Variants in ANO3 observed in about 807,000 individuals in gnomAD.
ANO3 encodes anoctamin-3.
In ANO3, 99 loss-of-function variants were observed where a neutral mutation model predicts 144.8. That is an observed-to-expected ratio of 0.68 (90% confidence interval 0.58 to 0.81). The LOEUF is 0.81. Among genes scored for constraint, ANO3 ranks in the 30% least tolerant of loss-of-function variants. The pLI is 0.00. For missense variants in ANO3, 905 were observed against 1,202.2 expected, an observed-to-expected ratio of 0.75 and a Z score of 3.66; for synonymous variants, 414 against 392.6, an observed-to-expected ratio of 1.05 and a Z score of -0.64.
chr11:26,485,812 A>T (rs1040709954), intron 4 of ANO3, among the ~76,000 whole-genome samples: 1 of 152,226 alleles, frequency 6.6e-6, no homozygotes, highest in Non-Finnish European at 1.5e-5. Context: ...TTATTGACTA[A>T]AACTTCAAAA....
At chr11:26,641,797 G>A in intron 21 of ANO3, 99 bp from the exon 22 acceptor site, 1 of 1,212,372 alleles carries the variant, frequency 8.2e-7, no homozygotes, top group Non-Finnish European at 1.1e-6. Context: ...CAATTCCGAG[G>A]AGCTGGAATT....
chr11:26,599,440 A>G (rs1851730391), intron 16 of ANO3, 110 bp from the exon 17 acceptor site: 1 of 1,101,106 alleles, frequency 9.1e-7, no homozygotes, highest in African/African-American at 1.6e-5. Flanking sequence ...CCTTTCTTGG[A>G]AAGGTAAATA....
chr11:26,618,401 C>G (rs1852320742), intron 17 of ANO3, among the ~76,000 whole-genome samples: 1 of 152,112 alleles, frequency 6.6e-6, no homozygotes, highest in Non-Finnish European at 1.5e-5. Flanking sequence ...CTTCTCCTTC[C>G]TTAGTTCAAC....
intron 1 of ANO3, among the ~76,000 whole-genome samples, chr11:26,219,395 C>T (rs920280461): frequency 6.6e-6 from 1 of 152,086 alleles, no homozygotes; most frequent in African/African-American, 2.4e-5. Context: ...CTGTTTTGTA[C>T]TTGGTGTTTG....
chr11:26,516,024 T>C (rs1449815031), intron 5 of ANO3, among the ~76,000 whole-genome samples: 1 of 151,966 alleles, frequency 6.6e-6, no homozygotes, highest in East Asian at 1.9e-4. Flanking sequence ...GTTTATTTAC[T>C]TATTTTAGAC....
chr11:26,454,144 C>A (rs1272652954), intron 3 of ANO3, among the ~76,000 whole-genome samples: 1 of 152,094 alleles, frequency 6.6e-6, no homozygotes, highest in Admixed American at 6.5e-5. Context: ...AAAATTGACA[C>A]CCTAACATCA....
At chr11:26,299,272 G>A (rs935970200) in intron 1 of ANO3, among the ~76,000 whole-genome samples, 12 of 152,180 alleles carry the variant, frequency 7.9e-5, no homozygotes, top group African/African-American at 2.2e-4. Flanking sequence ...GGAGGAAAGT[G>A]TGATTAATTA....
chr11:26,618,070 A>C (rs560278524), intron 17 of ANO3, among the ~76,000 whole-genome samples: 13 of 152,202 alleles, frequency 8.5e-5, no homozygotes, highest in Non-Finnish European at 1.5e-4. Flanking sequence ...TTTGTTGTTA[A>C]TAGATTGACT....
intron 1 of ANO3, among the ~76,000 whole-genome samples, chr11:26,217,151 G>A (rs1852050342): frequency 6.6e-6 from 1 of 151,810 alleles, no homozygotes; most frequent in South Asian, 2.1e-4. Context: ...GTGATCATAT[G>A]GATTTTCTCC....
At chr11:26,644,602 AC>A (rs1237215310) in intron 23 of ANO3, among the ~76,000 whole-genome samples, 1 of 152,146 alleles carries the variant, frequency 6.6e-6, no homozygotes, top group African/African-American at 2.4e-5. Flanking sequence ...TTCTGCAACA[AC>A]TCCAAATATA....
intron 1 of ANO3, among the ~76,000 whole-genome samples, chr11:26,283,960 G>A (rs1052280375): frequency 1.3e-5 from 2 of 152,186 alleles, no homozygotes; most frequent in Non-Finnish European, 2.9e-5. Flanking sequence ...TGAAAAATGA[G>A]AAAAGCAGTT....
At chr11:26,503,730 T>A (rs1339167302) in intron 4 of ANO3, among the ~76,000 whole-genome samples, 2 of 152,122 alleles carry the variant, frequency 1.3e-5, no homozygotes, top group East Asian at 3.8e-4. Flanking sequence ...TACTTCTTTT[T>A]ATAAAGATGT....
intron 20 of ANO3, among the ~76,000 whole-genome samples, chr11:26,636,506 G>A (rs1392487190): frequency 6.6e-6 from 1 of 152,154 alleles, no homozygotes; most frequent in African/African-American, 2.4e-5. Flanking sequence ...TTGTTTCTAA[G>A]TGCTCTCTGT....
intron 5 of ANO3, among the ~76,000 whole-genome samples, chr11:26,514,658 A>G (rs753572809): frequency 6.6e-6 from 1 of 152,096 alleles, no homozygotes; most frequent in Non-Finnish European, 1.5e-5. Flanking sequence ...GGTGAGAGGC[A>G]AGTTGGTGCA....
At chr11:26,406,889 A>G (rs1590333689) in intron 1 of ANO3, among the ~76,000 whole-genome samples, 1 of 150,594 alleles carries the variant, frequency 6.6e-6, no homozygotes, top group African/African-American at 2.4e-5. Context: ...GCTGGGAAAT[A>G]GAAAACTGAA....
chr11:26,635,109 G>T, intron 20 of ANO3, 39 bp downstream of exon 20: 1 of 1,574,754 alleles, frequency 6.4e-7, no homozygotes, highest in East Asian at 2.2e-5. Flanking sequence ...GAATGGGCAT[G>T]GATATGGGCC....
chr11:26,526,432 G>A (rs760441263), intron 7 of ANO3, among the ~76,000 whole-genome samples: 1 of 152,108 alleles, frequency 6.6e-6, no homozygotes, highest in African/African-American at 2.4e-5. Flanking sequence ...AGTTAACAAA[G>A]ATAAAGCATG....
At chr11:26,422,226 T>C (rs906002179) in intron 1 of ANO3, among the ~76,000 whole-genome samples, 1 of 152,084 alleles carries the variant, frequency 6.6e-6, no homozygotes, top group Admixed American at 6.6e-5. Context: ...AATTGTACTT[T>C]ACACTGAGAA....
At chr11:26,286,020 C>A (rs1302277287) in intron 1 of ANO3, 1 of 152,168 alleles carries the variant, frequency 6.6e-6, no homozygotes, top group African/African-American at 2.4e-5. Context: ...TGTGTTGCCT[C>A]CTGACATCAG....
Sources: gnomAD v4.1 joint callset for allele counts (sites outside exome capture counted in the v4.1 genomes callset) on GRCh38, gnomAD v4.1.1 for gene constraint, MANE v1.5 for transcripts, NCBI Gene and HGNC (gene_info 2026-07-23, HGNC 2026-07-21) for gene names.